The following SGCZ variants were observed in gnomAD, a reference collection of about 807,000 sequenced individuals.
The protein encoded by SGCZ is zeta-sarcoglycan.
Under a neutral mutation model 41.3 loss-of-function variants are expected in SGCZ, and 40 were observed. That is an observed-to-expected ratio of 0.97 (90% CI 0.75 to 1.26). SGCZ has a LOEUF of 1.26. SGCZ is among the 50% of genes most tolerant of loss of function. The probability of loss-of-function intolerance (pLI) is 0.00; values close to 1 mark genes in which losing one functional copy is unlikely to be tolerated. For synonymous variants in SGCZ, 206 were observed against 137.5 expected, an observed-to-expected ratio of 1.50 and a Z score of -3.49; for missense variants, 552 against 369.8, an observed-to-expected ratio of 1.49 and a Z score of -4.04.
At chr8:14,602,127 T>A (rs1488422281) in intron 1 of SGCZ, among the ~76,000 whole-genome samples, 1 of 151,358 alleles carries the variant, frequency 6.6e-6, no homozygotes, top group Non-Finnish European at 1.5e-5. Context: ...CTGAAAAAAA[T>A]AAAATAAAAT....
intron 1 of SGCZ, among the ~76,000 whole-genome samples, chr8:15,046,383 A>AT (rs1804301697): frequency 6.6e-6 from 1 of 152,026 alleles, no homozygotes; most frequent in Non-Finnish European, 1.5e-5. Flanking sequence ...TCATTTATTT[A>AT]TTTATTCACT....
At chr8:14,521,349 T>C (rs2117101080) in intron 2 of SGCZ, among the ~76,000 whole-genome samples, 1 of 152,268 alleles carries the variant, frequency 6.6e-6, no homozygotes, top group East Asian at 1.9e-4. Context: ...AGCATAATTT[T>C]CCAGAGATTC....
chr8:14,667,630 C>T (rs1344072698), intron 1 of SGCZ, among the ~76,000 whole-genome samples: 2 of 152,104 alleles, frequency 1.3e-5, no homozygotes, highest in Non-Finnish European at 2.9e-5. Context: ...GTTTATACCA[C>T]AAAGATACTT....
intron 1 of SGCZ, among the ~76,000 whole-genome samples, chr8:15,082,119 C>T (rs1451099924): frequency 1.3e-5 from 2 of 151,952 alleles, no homozygotes; most frequent in East Asian, 1.9e-4. Flanking sequence ...ATCTCAGCTA[C>T]TGGGGAGGCT....
chr8:14,182,244 T>A (rs1371024978), intron 4 of SGCZ, among the ~76,000 whole-genome samples: 1 of 152,156 alleles, frequency 6.6e-6, no homozygotes, highest in African/African-American at 2.4e-5. Flanking sequence ...TAAGGGCATA[T>A]GTCCACTGAT....
intron 1 of SGCZ, among the ~76,000 whole-genome samples, chr8:14,855,809 T>C (rs932120765): frequency 2.6e-5 from 4 of 152,164 alleles, no homozygotes; most frequent in Non-Finnish European, 4.4e-5. Context: ...AGCCTAGTGA[T>C]GGTTTTTGCC....
intron 1 of SGCZ, among the ~76,000 whole-genome samples, chr8:14,631,529 A>G (rs536420912): frequency 5.8e-4 from 88 of 152,204 alleles, no homozygotes; most frequent in South Asian, 1.9e-3. Flanking sequence ...CATTTACTAC[A>G]CCCATGAATT....
At chr8:14,657,496 G>A (rs1047407023) in intron 1 of SGCZ, among the ~76,000 whole-genome samples, 1 of 152,012 alleles carries the variant, frequency 6.6e-6, no homozygotes, top group African/African-American at 2.4e-5. Flanking sequence ...TGACCATGAA[G>A]CTATAATTAA....
chr8:14,450,894 C>T (rs1206904359), intron 2 of SGCZ, among the ~76,000 whole-genome samples: 1 of 152,094 alleles, frequency 6.6e-6, no homozygotes, highest in African/African-American at 2.4e-5. Context: ...TTTCAAATCC[C>T]TCTAGCAACA....
intron 2 of SGCZ, among the ~76,000 whole-genome samples, chr8:14,401,089 T>C (rs374535315): frequency 3.3e-5 from 5 of 152,220 alleles, no homozygotes; most frequent in South Asian, 2.1e-4. Context: ...AGGAAAGCAG[T>C]CCACACTGTG....
At chr8:15,049,824 A>G (rs1012622265) in intron 1 of SGCZ, among the ~76,000 whole-genome samples, 5 of 152,090 alleles carry the variant, frequency 3.3e-5, no homozygotes, top group Non-Finnish European at 5.9e-5. Flanking sequence ...GTCTCATGAG[A>G]TCTGATGGTT....
At chr8:14,125,739 G>A (rs188811368) in intron 5 of SGCZ, among the ~76,000 whole-genome samples, 10 of 152,254 alleles carry the variant, frequency 6.6e-5, no homozygotes, top group Admixed American at 4.6e-4. Flanking sequence ...CCAGGCTACA[G>A]TAACCAAAAT....
At chr8:14,788,111 G>C (rs1800830564) in intron 1 of SGCZ, among the ~76,000 whole-genome samples, 1 of 152,132 alleles carries the variant, frequency 6.6e-6, no homozygotes, top group African/African-American at 2.4e-5. Context: ...AAAGCATTTT[G>C]TGATATCATT....
intron 2 of SGCZ, among the ~76,000 whole-genome samples, chr8:14,452,181 C>T (rs928382950): frequency 4.6e-5 from 7 of 152,118 alleles, no homozygotes; most frequent in Non-Finnish European, 8.8e-5. Flanking sequence ...ACGGAGACAA[C>T]TTCTACTAAG....
At chr8:14,342,507 G>T (rs1802745903) in intron 2 of SGCZ, among the ~76,000 whole-genome samples, 1 of 151,976 alleles carries the variant, frequency 6.6e-6, no homozygotes, top group African/African-American at 2.4e-5. Flanking sequence ...AGTAGAGATG[G>T]GGTTTCACCA....
intron 1 of SGCZ, among the ~76,000 whole-genome samples, chr8:15,161,455 T>C (rs1442862048): frequency 1.3e-5 from 2 of 152,184 alleles, no homozygotes; most frequent in African/African-American, 4.8e-5. Flanking sequence ...TTTTTCACCA[T>C]CAGGATGTCT....
At chr8:14,847,672 A>C (rs1320197072) in intron 1 of SGCZ, among the ~76,000 whole-genome samples, 1 of 135,876 alleles carries the variant, frequency 7.4e-6, no homozygotes, top group Non-Finnish European at 1.6e-5. Context: ...GGAAGGAAGG[A>C]AAGATGGAGG....
intron 1 of SGCZ, among the ~76,000 whole-genome samples, chr8:15,194,523 T>C (rs1184031696): frequency 2.0e-5 from 3 of 152,048 alleles, no homozygotes; most frequent in African/African-American, 7.2e-5. Flanking sequence ...CTAAGGGCAC[T>C]GAGGTGGGGA....
chr8:15,050,728 G>C (rs1010872303), intron 1 of SGCZ, among the ~76,000 whole-genome samples: 10 of 152,156 alleles, frequency 6.6e-5, no homozygotes, highest in Non-Finnish European at 1.5e-4. Context: ...CTGATGTGTG[G>C]AGAAGGGGAA....
Sources: gnomAD v4.1 joint callset for allele counts (sites outside exome capture counted in the v4.1 genomes callset) on GRCh38, gnomAD v4.1.1 for gene constraint, MANE v1.5 for transcripts, NCBI Gene and HGNC (gene_info 2026-07-23, HGNC 2026-07-21) for gene names.